RRP15: variants seen among roughly 807,000 people sequenced by gnomAD.
The protein encoded by RRP15 is ribosomal RNA processing 15 homolog.
A neutral mutation model predicts 27.1 loss-of-function variants in RRP15; 18 were observed. That is an observed-to-expected ratio of 0.66 (90% CI 0.46 to 0.98). The LOEUF is 0.98. Ranked by LOEUF, RRP15 falls within the 50% of genes least tolerant of loss-of-function variation. The pLI is 0.00. For synonymous variants in RRP15, 107 were observed against 109.4 expected, an observed-to-expected ratio of 0.98 and a Z score of 0.14; for missense variants, 359 against 337.8, an observed-to-expected ratio of 1.06 and a Z score of -0.49.
At chr1:218,304,189 A>T (rs953952330) in intron 2 of RRP15, among the ~76,000 whole-genome samples, 6 of 152,216 alleles carry the variant, frequency 3.9e-5, no homozygotes, top group Admixed American at 3.3e-4. Context: ...GAGTAAAGGC[A>T]TAGATAAAAA....
At chr1:218,305,321 A>G (rs530952822) in intron 3 of RRP15, among the ~76,000 whole-genome samples, 196 bp downstream of exon 3, 3 of 152,182 alleles carry the variant, frequency 2.0e-5, no homozygotes, top group Non-Finnish European at 2.9e-5. Flanking sequence ...TGCTAAGTGT[A>G]TATTTGGTAA....
At chr1:218,329,237 C>CAAAAAAAAAA (rs1164512474) in intron 4 of RRP15, among the ~76,000 whole-genome samples, 7 of 53,574 alleles carry the variant, frequency 1.3e-4, no homozygotes, top group Non-Finnish European at 2.0e-4. Flanking sequence ...CCTGTCTCTA[C>CAAAAAAAAAA]AAAAAAAAAA....
intron 4 of RRP15, among the ~76,000 whole-genome samples, chr1:218,319,274 A>T (rs562396676): frequency 2.6e-5 from 4 of 152,136 alleles, no homozygotes; most frequent in Non-Finnish European, 5.9e-5. Flanking sequence ...CATGTTGGCC[A>T]GGCTAGTCTC....
Position 218,302,485 on chromosome 1 carries a change from A to G in RRP15, c.331A>G (p.Ile111Val). The G allele has an allele frequency of 6.2e-7, 1 of 1,614,158 alleles. No homozygotes were observed. The highest frequency in any genetic ancestry group is 8.5e-7 in the Non-Finnish European group (1 of 1,180,008). The change falls in exon 2 of 5, where the codon ATT (isoleucine) becomes GTT (valine). Residue 111 changes from isoleucine to valine, a missense_variant. Physicochemically the swap from Ile to Val is conservative, Grantham distance 29. Transcript: ENST00000366932. The part of the protein sequence containing the change: ...NKKTPESKPT[I>V]LVKNKKLEKE... ...GAAAACTCCTGAAAGTAAACCTACT[A>G]TTCTGGTCAAAAATAAGAAGCTGGA...
At chr1:218,328,529 G>A (rs1367228731) in intron 4 of RRP15, among the ~76,000 whole-genome samples, 2 of 152,120 alleles carry the variant, frequency 1.3e-5, no homozygotes, top group East Asian at 3.9e-4. Context: ...CAGGCATGGT[G>A]GCAGGTGCCT....
At chr1:218,298,290 C>G (rs1441780277) in intron 1 of RRP15, among the ~76,000 whole-genome samples, 2 of 152,180 alleles carry the variant, frequency 1.3e-5, no homozygotes, top group African/African-American at 2.4e-5. Flanking sequence ...AAAACTTCCT[C>G]TAAGCCATCC....
In RRP15 at chr1:218,337,577, CATT is replaced by C. The variant is rs1038941220; in HGVS notation, c.*6489_*6491del. The C allele has an allele frequency of 2.4e-4, 37 of 152,142 alleles. No homozygotes were observed. Among genetic ancestry groups the C allele is most frequent in the African/African-American group, 8.7e-4 (36 of 41,504 alleles). 9.4% of individuals were successfully genotyped at this position (152,142 alleles called of 1,614,324 possible). Reference sequence around the variant, plus strand: ...TTAACTGAAAAAGTAAGATTAAAAACATTATGGATAGTATAAGTTTCTTAAATG... The same window carrying C: ...TTAACTGAAAAAGTAAGATTAAAAACATGGATAGTATAAGTTTCTTAAATG... On this transcript the variant is annotated 3_prime_UTR_variant, in exon 5 of 5. Coordinates refer to ENST00000366932, the MANE Select transcript of RRP15 (RefSeq NM_016052.4).
rs1464306108 is a variant in RRP15, at chr1:218,311,361, A to G, written c.705+3729A>G. Among the ~76,000 whole-genome samples, 9 of 152,226 alleles carry G rather than the reference A, an allele frequency of 5.9e-5. No homozygotes were observed. In the South Asian group the frequency reaches 1.0e-3, roughly 18 times the overall value. On this transcript the variant is annotated intron_variant, in intron 4 of 4. Transcript: ENST00000366932. Reference sequence around the variant, plus strand: ...AATTTCTTACACTAGATTGAATACTAGTATTCAATGTGAATATTGTTCACT... The same window carrying G: ...AATTTCTTACACTAGATTGAATACTGGTATTCAATGTGAATATTGTTCACT...
chr1:218,288,022 C>T (rs1225899987), intron 1 of RRP15, among the ~76,000 whole-genome samples: 1 of 152,144 alleles, frequency 6.6e-6, no homozygotes, highest in East Asian at 1.9e-4. Context: ...TCTGTTATGG[C>T]TCCAGCTGTT....
chr1:218,327,469 A>G (rs560149298), intron 4 of RRP15, among the ~76,000 whole-genome samples: 40 of 151,966 alleles, frequency 2.6e-4, no homozygotes, highest in African/African-American at 9.7e-4. Context: ...TGCGTAGGCT[A>G]TTTTTTGTAT....
intron 4 of RRP15, among the ~76,000 whole-genome samples, chr1:218,310,873 C>T (rs954157762): frequency 2.6e-5 from 4 of 152,110 alleles, no homozygotes; most frequent in South Asian, 2.1e-4. Flanking sequence ...CTCAGCCTCC[C>T]GAGTAGCTGG....
chr1:218,304,659 T>C (rs1303961310), intron 2 of RRP15, among the ~76,000 whole-genome samples: 4 of 152,252 alleles, frequency 2.6e-5, no homozygotes, highest in East Asian at 1.9e-4. Context: ...GATAAACTTA[T>C]AATTTTCAAA....
chr1:218,334,905 C>T lies in RRP15; in HGVS notation c.*3814C>T, dbSNP rs1458699506. On this transcript the variant is annotated 3_prime_UTR_variant, in exon 5 of 5. Coordinates refer to ENST00000366932, the MANE Select transcript of RRP15 (RefSeq NM_016052.4). Reference sequence around the variant, plus strand: ...GGTATTTGAATCTTACTGACTGTTGCAGCACTGGTAGTCCTGGTAAATTTT... The same window carrying T: ...GGTATTTGAATCTTACTGACTGTTGTAGCACTGGTAGTCCTGGTAAATTTT... 6.6e-6 allele frequency: 1 copy of T among 152,178 alleles called. No homozygotes were observed. The highest frequency in any genetic ancestry group is 2.4e-5 in the African/African-American group (1 of 41,440). 9.4% of individuals were successfully genotyped at this position (152,178 alleles called of 1,614,324 possible). A position where few individuals can be genotyped will look rare whatever the true frequency, so the allele number is the denominator to read the frequency against.
intron 1 of RRP15, among the ~76,000 whole-genome samples, chr1:218,287,877 A>G (rs942436026): frequency 7.9e-5 from 12 of 152,230 alleles, no homozygotes; most frequent in Non-Finnish European, 1.5e-4. Flanking sequence ...ATAAGGTGGC[A>G]TTCTATCTAG....
intron 1 of RRP15, among the ~76,000 whole-genome samples, chr1:218,292,148 A>C (rs576907672): frequency 6.6e-6 from 1 of 152,206 alleles, no homozygotes; most frequent in African/African-American, 2.4e-5. Context: ...CAATTTTTCA[A>C]ACAACAAACT....
At chr1:218,290,411 A>G (rs550991129) in intron 1 of RRP15, among the ~76,000 whole-genome samples, 1 of 152,282 alleles carries the variant, frequency 6.6e-6, no homozygotes, top group South Asian at 2.1e-4. Flanking sequence ...CATTTTATCA[A>G]TACATAACCT....
intron 1 of RRP15, among the ~76,000 whole-genome samples, chr1:218,298,386 A>G (rs1472214584): frequency 6.6e-6 from 1 of 152,152 alleles, no homozygotes; most frequent in East Asian, 1.9e-4. Context: ...TAATTTATTC[A>G]CCCTACTAAA....
At chr1:218,286,959 T>G (rs146746443) in intron 1 of RRP15, among the ~76,000 whole-genome samples, 3,410 of 152,168 alleles carry the variant, frequency 0.022, 117 homozygotes, top group African/African-American at 0.077. Flanking sequence ...ATTGGATTTT[T>G]CTTTTTCTTT....
In RRP15 at chr1:218,292,515, A is replaced by T. The variant is rs548535331; in HGVS notation, c.139+7060A>T. On this transcript the variant is annotated intron_variant, in intron 1 of 4. Transcript: ENST00000366932. ...AAGGCAGAGTGTCTCCTTCAGCCTC[A>T]GCTAGGAGTGTGCATGTAGGGAGAC... Among the ~76,000 whole-genome samples the T allele has an allele frequency of 4.6e-5, 7 of 152,334 alleles. No individual in the cohort carries two copies. In the East Asian group the frequency reaches 7.7e-4, roughly 17 times the overall value.
Sources: gnomAD v4.1 joint callset for allele counts (sites outside exome capture counted in the v4.1 genomes callset) on GRCh38, gnomAD v4.1.1 for gene constraint, MANE v1.5 for transcripts, NCBI Gene and HGNC (gene_info 2026-07-23, HGNC 2026-07-21) for gene names.